FSTL4: variants seen among roughly 807,000 people sequenced by gnomAD.
The protein encoded by FSTL4 is follistatin like 4, also known as follistatin-related protein 4.
Under a neutral mutation model 78.2 loss-of-function variants are expected in FSTL4, and 28 were observed. The observed-to-expected ratio is 0.36, with a 90% CI of 0.27 to 0.49. The LOEUF is 0.49. FSTL4 is among the 20% of genes least tolerant of loss of function. FSTL4 has a pLI of 0.98. For synonymous variants in FSTL4, 422 were observed against 440.5 expected (o/e 0.96, Z 0.53); for missense variants, 922 against 1,084.9 (o/e 0.85, Z 2.11).
chr5:133,426,668 G>A lies in FSTL4; in HGVS notation c.161-25682C>T, dbSNP rs1354342976. Among the ~76,000 whole-genome samples, 1 of 152,156 alleles carries A rather than the reference G, an allele frequency of 6.6e-6. No individual in the cohort carries two copies. Among genetic ancestry groups the A allele is most frequent in the East Asian group, 1.9e-4 (1 of 5,184 alleles). ...CAAAAGTAGTAGAAGCGGTGGCAAT[G>A]GGGGCTATGGAGGAGCAATCTCTGG... On this transcript the variant is annotated intron_variant, in intron 3 of 15. Transcript: ENST00000265342. This position sits in a 1 kb window ranked among gnomAD's most constrained non-coding sequence, Gnocchi z 5.0.
At chr5:133,427,230 G>A (rs1011668616) in intron 3 of FSTL4, among the ~76,000 whole-genome samples, 3 of 152,168 alleles carry the variant, frequency 2.0e-5, no homozygotes, top group East Asian at 1.9e-4. Flanking sequence ...CCCCAAGGAC[G>A]AGAGACGGCT....
chr5:133,227,634 TTAC>T (rs1751373676), intron 8 of FSTL4, among the ~76,000 whole-genome samples: 1 of 152,146 alleles, frequency 6.6e-6, no homozygotes, highest in Non-Finnish European at 1.5e-5. Flanking sequence ...GCTTGGGTTC[TTAC>T]TAGATCACTG....
intron 7 of FSTL4, among the ~76,000 whole-genome samples, chr5:133,235,604 G>A (rs1366648401): frequency 6.6e-6 from 1 of 152,086 alleles, no homozygotes; most frequent in African/African-American, 2.4e-5. Flanking sequence ...GGTAGATGGT[G>A]AGCACATGCA....
the FSTL4 span, among the ~76,000 whole-genome samples, chr5:133,727,552 A>C: frequency 1.3e-5 from 2 of 152,220 alleles, no homozygotes; most frequent in Non-Finnish European, 2.9e-5. Context: ...CCAAGAGCCC[A>C]GGGACTGGGA....
the FSTL4 span, among the ~76,000 whole-genome samples, chr5:133,642,278 AAAG>A: frequency 3.3e-5 from 5 of 152,182 alleles, no homozygotes; most frequent in Admixed American, 3.3e-4. Context: ...CAGTTTCAGC[AAAG>A]ATGAGTCCCC....
the FSTL4 span, among the ~76,000 whole-genome samples, chr5:133,674,118 C>T: frequency 6.6e-6 from 1 of 152,190 alleles, no homozygotes; most frequent in African/African-American, 2.4e-5. Flanking sequence ...CAGGTCACTA[C>T]GTTGTGAGAG....
At chr5:133,391,785 G>A (rs546406200) in intron 4 of FSTL4, among the ~76,000 whole-genome samples, 7 of 152,042 alleles carry the variant, frequency 4.6e-5, no homozygotes, top group Admixed American at 6.5e-5. Flanking sequence ...CTAACCCCCC[G>A]GCCTGCTGCA....
At chr5:133,679,129 C>G in the FSTL4 span, among the ~76,000 whole-genome samples, 3 of 152,130 alleles carry the variant, frequency 2.0e-5, no homozygotes, top group African/African-American at 7.2e-5. Flanking sequence ...ACACACAGAG[C>G]TCACTCTTCC....
the FSTL4 span, among the ~76,000 whole-genome samples, chr5:133,779,850 G>A: frequency 2.0e-4 from 30 of 152,218 alleles, no homozygotes; most frequent in Non-Finnish European, 3.7e-4. Flanking sequence ...CCCAGAAGAA[G>A]AACCTGAGAG....
At chr5:133,737,039 C>G in the FSTL4 span, among the ~76,000 whole-genome samples, 6 of 152,006 alleles carry the variant, frequency 3.9e-5, no homozygotes, top group Non-Finnish European at 8.8e-5. Flanking sequence ...AACAGGGTAT[C>G]CAGCCCCTCA....
intron 3 of FSTL4, among the ~76,000 whole-genome samples, chr5:133,563,413 G>A (rs1337201073): frequency 6.6e-6 from 1 of 152,210 alleles, no homozygotes; most frequent in Non-Finnish European, 1.5e-5. Context: ...CATCAGAGAG[G>A]CACCAGCCCA....
rs201737601 is a variant in FSTL4 at position 133,220,828 on chromosome 5, C to T, written c.1378G>A (p.Asp460Asn). 80 of 1,612,972 alleles carry T rather than the reference C, an allele frequency of 5.0e-5. No individual in the cohort carries two copies. In the Admixed American group the frequency reaches 5.8e-4, roughly 12 times the overall value. ...VGNMFYVFSD[D>N]GIIVIHPVDC... ...ACAGGATGGATGACGATGATACCGTCGTCGGAGAAGACATAGAACATGTTT... is the reference window on the plus strand; with the variant it reads ...ACAGGATGGATGACGATGATACCGTTGTCGGAGAAGACATAGAACATGTTT... The change falls in exon 12 of 16, where the codon GAC becomes AAC. Residue 460 changes from aspartate (D) to asparagine (N), a missense_variant. Physicochemically the swap from Asp to Asn is conservative, Grantham distance 23 (BLOSUM62 1). Transcript: ENST00000265342.
intron 4 of FSTL4, among the ~76,000 whole-genome samples, chr5:133,333,076 A>G: frequency 6.6e-6 from 1 of 152,112 alleles, no homozygotes; most frequent in East Asian, 1.9e-4. Context: ...TCTCACACAC[A>G]GCTGTGGATC....
intron 3 of FSTL4, among the ~76,000 whole-genome samples, chr5:133,538,054 C>T (rs375161384): frequency 6.6e-6 from 1 of 152,006 alleles, no homozygotes. Context: ...TGTTATGATG[C>T]TTTTACCTAA....
intron 3 of FSTL4, among the ~76,000 whole-genome samples, chr5:133,462,762 C>T (rs759571786): frequency 2.6e-4 from 40 of 152,162 alleles, no homozygotes; most frequent in Non-Finnish European, 4.6e-4. Flanking sequence ...GGAAGGAAGC[C>T]GGCGCTTGAT....
chr5:133,372,878 G>A (rs1384867577), intron 4 of FSTL4, among the ~76,000 whole-genome samples: 1 of 152,154 alleles, frequency 6.6e-6, no homozygotes, highest in African/African-American at 2.4e-5. Flanking sequence ...CCTTGTAACA[G>A]GCTTCTTCAT....
upstream of FSTL4, among the ~76,000 whole-genome samples, chr5:133,617,322 A>AAG (rs1761217793): frequency 1.4e-5 from 2 of 140,936 alleles, no homozygotes; most frequent in Non-Finnish European, 1.5e-5. Flanking sequence ...AAAAAAAAAA[A>AAG]GTCCTGCCTG....
chr5:133,455,044 T>C (rs61337649), intron 3 of FSTL4, among the ~76,000 whole-genome samples: 2,617 of 152,174 alleles, frequency 0.017, 85 homozygotes, highest in African/African-American at 0.06. Flanking sequence ...TCAACATGGG[T>C]TGGTTAAATG....
intron 3 of FSTL4, among the ~76,000 whole-genome samples, chr5:133,436,906 CTG>C (rs1236482835): frequency 6.6e-6 from 1 of 152,148 alleles, no homozygotes; most frequent in Admixed American, 6.5e-5. Context: ...TGAGAAAAAA[CTG>C]TATTTTGAAT....
Sources: gnomAD v4.1 joint callset for allele counts (sites outside exome capture counted in the v4.1 genomes callset) on GRCh38, gnomAD v4.1.1 for gene constraint, Gnocchi (gnomAD v3.1) non-coding constraint, MANE v1.5 for transcripts, NCBI Gene and HGNC (gene_info 2026-07-23, HGNC 2026-07-21) for gene names.